Variants in ROBO1 observed in about 807,000 individuals in gnomAD.
ROBO1 encodes roundabout homolog 1.
In ROBO1, 149 loss-of-function variants were observed where a neutral mutation model predicts 195.9. The ratio of observed to expected loss-of-function variants is 0.76; its 90% CI spans 0.67 to 0.87. The LOEUF is 0.87. Ranked by LOEUF, ROBO1 falls within the 40% of genes least tolerant of loss-of-function variation. The pLI, the probability that ROBO1 is intolerant of heterozygous loss-of-function variation, is 0.00. For synonymous variants in ROBO1, 816 were observed against 733.2 expected, an observed-to-expected ratio of 1.11 and a Z score of -1.82; for missense variants, 1,933 against 2,068.3, an observed-to-expected ratio of 0.93 and a Z score of 1.27.
At chr3:79,615,154 T>C (rs1220414755) in intron 1 of ROBO1, among the ~76,000 whole-genome samples, 1 of 152,140 alleles carries the variant, frequency 6.6e-6, no homozygotes, top group Non-Finnish European at 1.5e-5. Flanking sequence ...AAACGGATAC[T>C]TAAGATGATC....
At chr3:79,708,556 A>T (rs1257385091) in intron 1 of ROBO1, among the ~76,000 whole-genome samples, 2 of 152,180 alleles carry the variant, frequency 1.3e-5, no homozygotes, top group African/African-American at 4.8e-5. Context: ...AGAAAGGACA[A>T]GTACTTTGTT....
chr3:79,102,471 G>A (rs1420082224), intron 3 of ROBO1, among the ~76,000 whole-genome samples: 3 of 151,722 alleles, frequency 2.0e-5, no homozygotes, highest in African/African-American at 4.8e-5. Flanking sequence ...ACACATAGAT[G>A]AGGCCAAGAC....
At chr3:78,744,086 C>T (rs531288975) in intron 5 of ROBO1, among the ~76,000 whole-genome samples, 78 of 152,230 alleles carry the variant, frequency 5.1e-4, no homozygotes, top group African/African-American at 1.7e-3. Flanking sequence ...TTCAAAATTA[C>T]CATGTCTAAA....
chr3:79,755,662 G>T (rs994729082), intron 1 of ROBO1, among the ~76,000 whole-genome samples: 6 of 141,224 alleles, frequency 4.2e-5, no homozygotes, highest in African/African-American at 1.5e-4. Context: ...ATTATAATAA[G>T]AAGAAAAAAA....
intron 4 of ROBO1, among the ~76,000 whole-genome samples, chr3:78,800,544 T>TTTTGTTTG (rs149509521): frequency 2.8e-4 from 42 of 151,850 alleles, no homozygotes; most frequent in African/African-American, 8.2e-4. Context: ...TGAAGCTGTT[T>TTTTGTTTG]TTTGTTTGTT....
chr3:79,424,695 G>A (rs2038373686), intron 2 of ROBO1, among the ~76,000 whole-genome samples: 1 of 152,158 alleles, frequency 6.6e-6, no homozygotes, highest in Admixed American at 6.6e-5. Context: ...CCTGAAAAAG[G>A]AGTAATATTA....
intron 1 of ROBO1, among the ~76,000 whole-genome samples, chr3:79,635,508 T>G (rs1036502702): frequency 1.3e-5 from 2 of 152,186 alleles, no homozygotes. Flanking sequence ...ATAACTATCA[T>G]TGAACACCAT....
chr3:79,513,581 T>G (rs1429433894), intron 2 of ROBO1, among the ~76,000 whole-genome samples: 1 of 152,140 alleles, frequency 6.6e-6, no homozygotes, highest in Non-Finnish European at 1.5e-5. Context: ...GTAATTCAAT[T>G]TATAATGACA....
intron 17 of ROBO1, among the ~76,000 whole-genome samples, chr3:78,658,842 T>A (rs1707203101): frequency 6.6e-6 from 1 of 152,190 alleles, no homozygotes. Context: ...TTTTTAAAAA[T>A]CCCATTTACA....
intron 3 of ROBO1, among the ~76,000 whole-genome samples, chr3:79,016,727 C>T (rs2077947081): frequency 6.6e-6 from 1 of 152,136 alleles, no homozygotes; most frequent in Non-Finnish European, 1.5e-5. Flanking sequence ...CCATTAATCC[C>T]CCTATCTTCA....
chr3:79,268,993 C>T (rs145264770), intron 2 of ROBO1, among the ~76,000 whole-genome samples: 1 of 151,762 alleles, frequency 6.6e-6, no homozygotes, highest in East Asian at 1.9e-4. Flanking sequence ...ACATCTTCTC[C>T]AGTCCATTTA....
intron 2 of ROBO1, among the ~76,000 whole-genome samples, chr3:79,166,643 G>A (rs995541942): frequency 3.3e-5 from 5 of 149,622 alleles, no homozygotes; most frequent in African/African-American, 1.2e-4. Context: ...TCGGCTCACT[G>A]CAAGCTCCGC....
intron 4 of ROBO1, among the ~76,000 whole-genome samples, chr3:78,758,497 G>A (rs1576103691): frequency 7.6e-6 from 1 of 132,296 alleles, no homozygotes; most frequent in African/African-American, 3.0e-5. Flanking sequence ...CTTCACTCCA[G>A]CCTGGGTGAC....
At chr3:78,750,700 T>TA (rs1228767098) in intron 4 of ROBO1, among the ~76,000 whole-genome samples, 1 of 152,076 alleles carries the variant, frequency 6.6e-6, no homozygotes, top group East Asian at 1.9e-4. Context: ...TAAAAAAAGT[T>TA]AAACAGAAAG....
chr3:79,266,845 T>C (rs2030005692), intron 2 of ROBO1, among the ~76,000 whole-genome samples: 1 of 151,592 alleles, frequency 6.6e-6, no homozygotes, highest in Non-Finnish European at 1.5e-5. Context: ...ATTTCAACTT[T>C]TAAAAATCCT....
chr3:78,876,304 AACTAT>A (rs2035843792), intron 4 of ROBO1, among the ~76,000 whole-genome samples: 1 of 152,126 alleles, frequency 6.6e-6, no homozygotes. Context: ...ATTTAGAGAC[AACTAT>A]ACTTGAAGAA....
At chr3:78,696,540 T>C (rs2081293937) in intron 8 of ROBO1, among the ~76,000 whole-genome samples, 1 of 151,906 alleles carries the variant, frequency 6.6e-6, no homozygotes, top group Non-Finnish European at 1.5e-5. Context: ...GTGAAGAATA[T>C]TCAATAGGAT....
At chr3:78,994,895 A>T (rs1361966319) in intron 3 of ROBO1, among the ~76,000 whole-genome samples, 1 of 152,140 alleles carries the variant, frequency 6.6e-6, no homozygotes, top group African/African-American at 2.4e-5. Context: ...GGAGGCCATT[A>T]AAACGCTAGA....
chr3:78,889,296 C>G (rs1377804828), intron 4 of ROBO1, among the ~76,000 whole-genome samples: 1 of 152,160 alleles, frequency 6.6e-6, no homozygotes, highest in Non-Finnish European at 1.5e-5. Flanking sequence ...CTCACATATG[C>G]CAGAGGAACA....
Sources: allele counts gnomAD v4.1 joint callset (sites outside exome capture counted in the v4.1 genomes callset), GRCh38; gene constraint gnomAD v4.1.1; transcripts MANE v1.5; gene names NCBI Gene and HGNC (gene_info 2026-07-23, HGNC 2026-07-21).